The following PKP4 variants were observed in gnomAD, a reference collection of about 807,000 sequenced individuals.
PKP4 encodes plakophilin 4.
In PKP4, 90 loss-of-function variants were observed where a neutral mutation model predicts 145.1. The ratio of observed to expected loss-of-function variants is 0.62; its 90% CI spans 0.52 to 0.74. The LOEUF (loss-of-function observed/expected upper bound fraction) is 0.74, where lower values mean the gene tolerates loss of function less well. Ranked by LOEUF, PKP4 falls within the 30% of genes least tolerant of loss-of-function variation. The pLI, the probability that PKP4 is intolerant of heterozygous loss-of-function variation, is 0.00. For synonymous variants in PKP4, 563 were observed against 577.2 expected (o/e 0.98, Z 0.35); for missense variants, 1,340 against 1,482.7 (o/e 0.90, Z 1.58).
At chr2:158,577,731 A>T (rs532034391) in intron 3 of PKP4, among the ~76,000 whole-genome samples, 4 of 152,278 alleles carry the variant, frequency 2.6e-5, no homozygotes, top group Admixed American at 2.0e-4. Flanking sequence ...TGATTTTTTT[A>T]AAACTAAGAA....
chr2:158,627,955 A>AT (rs1313024347), intron 7 of PKP4, among the ~76,000 whole-genome samples: 1 of 151,258 alleles, frequency 6.6e-6, no homozygotes, highest in Admixed American at 6.6e-5. Flanking sequence ...TGAAAAAATT[A>AT]TTTTTTATTT....
At chr2:158,531,544 CAGAA>C (rs1476661644) in intron 1 of PKP4, among the ~76,000 whole-genome samples, 1 of 152,000 alleles carries the variant, frequency 6.6e-6, no homozygotes, top group Admixed American at 6.6e-5. Context: ...GCACTTGATA[CAGAA>C]AGAAGAAATT....
At chr2:158,485,848 A>T (rs1694088702) in intron 1 of PKP4, among the ~76,000 whole-genome samples, 1 of 152,180 alleles carries the variant, frequency 6.6e-6, no homozygotes, top group Non-Finnish European at 1.5e-5. Context: ...GTTCAGTAAC[A>T]CCCATCCTTA....
chr2:158,588,375 A>G (rs2048982109), intron 3 of PKP4: 1 of 151,928 alleles, frequency 6.6e-6, no homozygotes, highest in African/African-American at 2.4e-5. Flanking sequence ...CAGGCTCTTT[A>G]ATTTTTGCCA....
chr2:158,587,277 A>G (rs900981433), intron 3 of PKP4, among the ~76,000 whole-genome samples: 17 of 152,134 alleles, frequency 1.1e-4, no homozygotes, highest in African/African-American at 3.6e-4. Flanking sequence ...ATATCATGCC[A>G]TTATTTAATC....
At chr2:158,551,007 T>G (rs1209970648) in intron 2 of PKP4, among the ~76,000 whole-genome samples, 1 of 152,234 alleles carries the variant, frequency 6.6e-6, no homozygotes, top group Admixed American at 6.5e-5. Context: ...ATATTCAAAT[T>G]ACTATGCATG....
At chr2:158,530,504 C>CTTTTTTTTTTTTT (rs869120223) in intron 1 of PKP4, among the ~76,000 whole-genome samples, 22 of 92,150 alleles carry the variant, frequency 2.4e-4, no homozygotes, top group African/African-American at 4.3e-4. Flanking sequence ...CTCTTTCTTT[C>CTTTTTTTTTTTTT]TTTTTTTTTT....
intron 4 of PKP4, among the ~76,000 whole-genome samples, chr2:158,609,103 C>G (rs1019327521): frequency 6.6e-6 from 1 of 152,124 alleles, no homozygotes; most frequent in African/African-American, 2.4e-5. Context: ...AGGCATGAGC[C>G]ACTGCACTGG....
rs539189219 is a variant in PKP4 at position 158,484,015 on chromosome 2, G to A, written c.-6+26797G>A. On this transcript the variant is annotated intron_variant, in intron 1 of 21. Transcript: ENST00000389759. ...GAGCATAACAAGAACGTGCACAGTT[G>A]CACATTTTTTCTTTTTCTTTTTTTT... Among the ~76,000 whole-genome samples the A allele has an allele frequency of 5.0e-4, 75 of 148,628 alleles. No homozygotes were observed. In the Middle Eastern group the frequency reaches 0.01, roughly 21 times the overall value.
intron 2 of PKP4, among the ~76,000 whole-genome samples, chr2:158,546,857 AAGGCCTCTTTTT>A (rs1376108456): frequency 6.6e-6 from 1 of 152,188 alleles, no homozygotes; most frequent in Non-Finnish European, 1.5e-5. Context: ...AGTAAGTAAA[AAGGCCTCTTTTT>A]TATGCAGTAA....
intron 17 of PKP4, among the ~76,000 whole-genome samples, chr2:158,673,290 G>A (rs972452133): frequency 5.9e-5 from 9 of 152,222 alleles, no homozygotes; most frequent in African/African-American, 2.2e-4. Context: ...ATACTCACTT[G>A]GGAGGGTCTC....
At chr2:158,652,738 G>T (rs931434355) in intron 11 of PKP4, among the ~76,000 whole-genome samples, 2 of 152,216 alleles carry the variant, frequency 1.3e-5, no homozygotes, top group African/African-American at 4.8e-5. Flanking sequence ...TGGGGCAGGA[G>T]GTGGGGAGGA....
chr2:158,664,022 A>G (rs2056852260), intron 15 of PKP4, among the ~76,000 whole-genome samples: 1 of 152,218 alleles, frequency 6.6e-6, no homozygotes. Context: ...CTGAAGGCCA[A>G]ACTTCAGGAG....
intron 1 of PKP4, among the ~76,000 whole-genome samples, chr2:158,499,975 C>A (rs754206998): frequency 6.6e-6 from 1 of 152,124 alleles, no homozygotes; most frequent in African/African-American, 2.4e-5. Flanking sequence ...GAGATAATTT[C>A]CCAGAAATGT....
chr2:158,472,039 G>T (rs1488585779), intron 1 of PKP4, among the ~76,000 whole-genome samples: 1 of 152,076 alleles, frequency 6.6e-6, no homozygotes, highest in Non-Finnish European at 1.5e-5. Context: ...GGAAGATGTT[G>T]GTTAAAGAAT....
chr2:158,594,748 A>G (rs2049574438), intron 3 of PKP4, among the ~76,000 whole-genome samples: 1 of 152,170 alleles, frequency 6.6e-6, no homozygotes, highest in Non-Finnish European at 1.5e-5. Flanking sequence ...AAGGGGTTTC[A>G]AAAAATATAG....
intron 11 of PKP4, among the ~76,000 whole-genome samples, chr2:158,651,657 TCC>T (rs1247474072): frequency 5.3e-5 from 8 of 151,796 alleles, no homozygotes; most frequent in Admixed American, 5.3e-4. Flanking sequence ...AAATGTGGTC[TCC>T]CATCCTCCTG....
Position 158,621,148 on chromosome 2 carries a change from G to A in PKP4, c.412+27G>A, listed in dbSNP as rs777026289. 2.5e-6 allele frequency: 4 copies of A among 1,613,760 alleles called. No homozygotes were observed. In the South Asian group the frequency reaches 3.3e-5, roughly 13 times the overall value. ...TCTGTTGTGTTATCTTTTAAGTACT[G>A]GATTTGCTTTTAAGATTTTATTCTT... On this transcript the variant is annotated intron_variant, in intron 5 of 21. Transcript: ENST00000389759.
At chr2:158,465,203 T>C (rs1690417181) in intron 1 of PKP4, among the ~76,000 whole-genome samples, 1 of 152,232 alleles carries the variant, frequency 6.6e-6, no homozygotes, top group South Asian at 2.1e-4. Flanking sequence ...TAACATTGTT[T>C]CATAAGTATT....
Sources: gnomAD v4.1 joint callset for allele counts (sites outside exome capture counted in the v4.1 genomes callset) on GRCh38, gnomAD v4.1.1 for gene constraint, MANE v1.5 for transcripts, NCBI Gene and HGNC (gene_info 2026-07-23, HGNC 2026-07-21) for gene names.